The following KLHL1 variants were observed in gnomAD, a reference collection of about 807,000 sequenced individuals.
KLHL1 encodes the protein kelch like family member 1.
Under a neutral mutation model 77.7 loss-of-function variants are expected in KLHL1, and 47 were observed. The observed-to-expected ratio is 0.60, with a 90% CI of 0.48 to 0.77. The LOEUF is 0.77. KLHL1 is among the 30% of genes least tolerant of loss of function. KLHL1 has a pLI of 0.00. For synonymous variants in KLHL1, 360 were observed against 325.2 expected (o/e 1.11, Z -1.15); for missense variants, 925 against 910.8 (o/e 1.02, Z -0.20).
intron 5 of KLHL1, among the ~76,000 whole-genome samples, chr13:69,843,341 TA>T (rs1469654459): frequency 1.3e-5 from 2 of 151,624 alleles, no homozygotes; most frequent in East Asian, 3.9e-4. Context: ...TGTAACAGAA[TA>T]AAAAAGTGAA....
At chr13:69,797,941 G>T (rs538028830) in intron 6 of KLHL1, among the ~76,000 whole-genome samples, 1 of 151,944 alleles carries the variant, frequency 6.6e-6, no homozygotes, top group Non-Finnish European at 1.5e-5. Context: ...TTTCTTAAAA[G>T]CTTTTTACAT....
intron 6 of KLHL1, among the ~76,000 whole-genome samples, chr13:69,821,414 A>T (rs1427856728): frequency 6.6e-6 from 1 of 152,080 alleles, no homozygotes; most frequent in South Asian, 2.1e-4. Context: ...TCCCAGGTTC[A>T]AGCAATTCTC....
intron 4 of KLHL1, among the ~76,000 whole-genome samples, chr13:69,892,697 A>G (rs1010641261): frequency 3.9e-5 from 6 of 152,234 alleles, no homozygotes; most frequent in East Asian, 1.9e-4. Context: ...ATATGCATAA[A>G]TGATACTTCG....
At chr13:69,789,719 T>G (rs1180609341) in intron 7 of KLHL1, among the ~76,000 whole-genome samples, 1 of 152,190 alleles carries the variant, frequency 6.6e-6, no homozygotes, top group Non-Finnish European at 1.5e-5. Context: ...TCACTATTGA[T>G]GACAATAAGT....
intron 1 of KLHL1, among the ~76,000 whole-genome samples, chr13:70,056,895 C>A (rs1455430350): frequency 6.6e-6 from 1 of 151,942 alleles, no homozygotes; most frequent in East Asian, 1.9e-4. Flanking sequence ...CTTATCGGTT[C>A]ATTTTAAAGA....
At chr13:69,863,990 CTG>C (rs1340151895) in intron 5 of KLHL1, among the ~76,000 whole-genome samples, 1 of 151,818 alleles carries the variant, frequency 6.6e-6, no homozygotes, top group Non-Finnish European at 1.5e-5. Context: ...CATATGAAAA[CTG>C]TAATAAACAA....
chr13:69,888,219 G>A (rs1161598838), intron 4 of KLHL1, among the ~76,000 whole-genome samples: 1 of 152,114 alleles, frequency 6.6e-6, no homozygotes, highest in East Asian at 1.9e-4. Context: ...GAGCCCTTAT[G>A]ACCCAAATAC....
chr13:69,873,704 A>G (rs1243861825), intron 5 of KLHL1, among the ~76,000 whole-genome samples: 3 of 152,176 alleles, frequency 2.0e-5, no homozygotes, highest in Non-Finnish European at 4.4e-5. Context: ...TGGCACATGT[A>G]TACCTATGTA....
intron 7 of KLHL1, among the ~76,000 whole-genome samples, chr13:69,790,629 A>G (rs888977409): frequency 4.6e-5 from 7 of 152,262 alleles, no homozygotes; most frequent in African/African-American, 1.4e-4. Context: ...TGAAAAAGAC[A>G]ATGTGTATTA....
At chr13:69,765,242 G>A (rs899109725) in intron 7 of KLHL1, among the ~76,000 whole-genome samples, 11 of 151,810 alleles carry the variant, frequency 7.2e-5, no homozygotes, top group Admixed American at 1.3e-4. Flanking sequence ...ATGAGCCACC[G>A]CACCTGGCCT....
intron 1 of KLHL1, among the ~76,000 whole-genome samples, chr13:70,005,408 A>G (rs1347767631): frequency 1.3e-5 from 2 of 152,046 alleles, no homozygotes; most frequent in East Asian, 3.9e-4. Flanking sequence ...AGCCCAAGAT[A>G]GCTTAGAACG....
intron 1 of KLHL1, among the ~76,000 whole-genome samples, chr13:70,041,788 T>C (rs1470025776): frequency 6.6e-6 from 1 of 151,502 alleles, no homozygotes; most frequent in Non-Finnish European, 1.5e-5. Context: ...TGATGGGGAG[T>C]GGGAGGGCTT....
At chr13:69,970,639 A>G (rs1418548437) in intron 2 of KLHL1, among the ~76,000 whole-genome samples, 1 of 152,044 alleles carries the variant, frequency 6.6e-6, no homozygotes, top group Non-Finnish European at 1.5e-5. Context: ...CCTGACTCTC[A>G]ACCTGTGGGT....
rs1886738486 is a variant in KLHL1, at chr13:70,056,143, G to GA, written c.497+51059dup. Among the ~76,000 whole-genome samples, 8 of 151,972 alleles carry GA rather than the reference G, an allele frequency of 5.3e-5. No homozygotes were observed. In the South Asian group the frequency reaches 1.5e-3, roughly 28 times the overall value. ...TGTGCAGACTGAAAATAAAGCAATG[G>GA]AAAAAAGATATCCCATGGAAATGGA... On this transcript the variant is annotated intron_variant, in intron 1 of 10. Coordinates refer to ENST00000377844, the MANE Select transcript of KLHL1 (RefSeq NM_020866.3).
rs183050370 is a variant in KLHL1, at chr13:69,982,208, C to A, written c.498-6406G>T. 5.9e-5 allele frequency among the ~76,000 whole-genome samples: 9 copies of A among 151,678 alleles called. No individual in the cohort carries two copies. The South Asian group carries it at 8.3e-4, about 14-fold the overall frequency. ...TAGCACTTTGGGAGGCCAAGGCGGGCGGATTACCTGAGTTCAGGAGTTTGA... is the reference window on the plus strand; with the variant it reads ...TAGCACTTTGGGAGGCCAAGGCGGGAGGATTACCTGAGTTCAGGAGTTTGA... On this transcript the variant is annotated intron_variant, in intron 1 of 10. Coordinates refer to ENST00000377844, the MANE Select transcript of KLHL1 (RefSeq NM_020866.3).
At chr13:69,823,671 A>G (rs1366591613) in intron 6 of KLHL1, among the ~76,000 whole-genome samples, 1 of 152,076 alleles carries the variant, frequency 6.6e-6, no homozygotes, top group Non-Finnish European at 1.5e-5. Flanking sequence ...TACAAAATAC[A>G]AAATAAGTAA....
At chr13:70,083,143 G>C (rs1887436263) in intron 1 of KLHL1, among the ~76,000 whole-genome samples, 1 of 152,156 alleles carries the variant, frequency 6.6e-6, no homozygotes, top group Admixed American at 6.6e-5. Flanking sequence ...CTAGAGTTAA[G>C]TTCTTATATG....
intron 8 of KLHL1, among the ~76,000 whole-genome samples, chr13:69,732,714 G>C (rs1873601498): frequency 1.3e-5 from 2 of 151,542 alleles, no homozygotes; most frequent in African/African-American, 4.9e-5. Context: ...CAGCCCTGTA[G>C]CAAGAGTTGC....
chr13:69,899,565 C>G (rs1197970593), intron 4 of KLHL1, among the ~76,000 whole-genome samples: 1 of 152,128 alleles, frequency 6.6e-6, no homozygotes, highest in Non-Finnish European at 1.5e-5. Flanking sequence ...AACAGTTATA[C>G]AAAGAAATCC....
Sources: gnomAD v4.1 joint callset for allele counts (sites outside exome capture counted in the v4.1 genomes callset) on GRCh38, gnomAD v4.1.1 for gene constraint, MANE v1.5 for transcripts, NCBI Gene and HGNC (gene_info 2026-07-23, HGNC 2026-07-21) for gene names.